Variants in PTPRM observed in about 807,000 individuals in gnomAD.
PTPRM encodes receptor-type tyrosine-protein phosphatase mu.
In PTPRM, 47 loss-of-function variants were observed where a neutral mutation model predicts 186.7. That is an observed-to-expected ratio of 0.25 (90% CI 0.20 to 0.32). The LOEUF (loss-of-function observed/expected upper bound fraction) is 0.32. Ranked by LOEUF, PTPRM falls within the 10% of genes least tolerant of loss-of-function variation. The pLI is 1.00. For synonymous variants in PTPRM, 668 were observed against 674.9 expected (o/e 0.99, Z 0.16); for missense variants, 1,494 against 1,865.0 (o/e 0.80, Z 3.66).
intron 2 of PTPRM, among the ~76,000 whole-genome samples, chr18:7,855,769 T>C (rs1484818547): frequency 1.3e-5 from 2 of 152,218 alleles, no homozygotes. Context: ...AGACACTGTT[T>C]CCTCTGGCTA....
At chr18:8,042,523 G>C (rs975108705) in intron 7 of PTPRM, among the ~76,000 whole-genome samples, 4 of 151,988 alleles carry the variant, frequency 2.6e-5, no homozygotes, top group Admixed American at 1.3e-4. Context: ...CAGCAAATGC[G>C]GTCATTTTCA....
At chr18:7,590,568 G>T (rs947058180) in intron 1 of PTPRM, among the ~76,000 whole-genome samples, 3 of 152,138 alleles carry the variant, frequency 2.0e-5, no homozygotes, top group Non-Finnish European at 4.4e-5. Flanking sequence ...AAAAAAATTG[G>T]GAACAACCTA....
intron 22 of PTPRM, among the ~76,000 whole-genome samples, chr18:8,319,610 T>C (rs748443704): frequency 4.6e-5 from 7 of 152,196 alleles, no homozygotes; most frequent in Non-Finnish European, 1.0e-4. Flanking sequence ...TGGTTGTGTT[T>C]AGTGGGGAAG....
intron 14 of PTPRM, among the ~76,000 whole-genome samples, chr18:8,146,120 C>T (rs2092880146): frequency 6.6e-6 from 1 of 151,826 alleles, no homozygotes; most frequent in Non-Finnish European, 1.5e-5. Flanking sequence ...CCTCCGCCTC[C>T]CAGGTTCAAG....
intron 23 of PTPRM, among the ~76,000 whole-genome samples, chr18:8,359,273 C>T (rs113598087): frequency 6.6e-6 from 1 of 152,236 alleles, no homozygotes; most frequent in African/African-American, 2.4e-5. Context: ...GTCTGAATAA[C>T]AAGTGCTGCT....
intron 7 of PTPRM, among the ~76,000 whole-genome samples, chr18:8,017,606 A>AAAT (rs1303718953): frequency 2.0e-5 from 3 of 150,652 alleles, no homozygotes; most frequent in Non-Finnish European, 4.4e-5. Context: ...AAAAAAAAAA[A>AAAT]TTAGAGCGTC....
rs1252049334 is a variant in PTPRM at position 7,668,465 on chromosome 18, C to T, written c.73+100574C>T. Among the ~76,000 whole-genome samples the T allele has an allele frequency of 6.6e-6, 1 of 152,190 alleles. No individual in the cohort carries two copies. Among genetic ancestry groups the T allele is most frequent in the Non-Finnish European group, 1.5e-5 (1 of 68,042 alleles). ...GGATATTCCCTGCTTGGCCCCTTGA[C>T]TCCTAGAGAAGAATCCTCAGAACAT... is the stretch of plus-strand genomic sequence containing the variant. On this transcript the variant is annotated intron_variant, in intron 1 of 32. Coordinates refer to ENST00000580170, the MANE Select transcript of PTPRM (RefSeq NM_001105244.2). The surrounding 1 kb of genome is among the most constrained non-coding windows in gnomAD (Gnocchi z 4.7).
chr18:8,330,465 A>G (rs548267656), intron 22 of PTPRM, among the ~76,000 whole-genome samples: 1 of 152,262 alleles, frequency 6.6e-6, no homozygotes, highest in South Asian at 2.1e-4. Context: ...TTCTTAAATA[A>G]AAGAGGATTC....
chr18:7,614,628 C>G (rs967319058), intron 1 of PTPRM, among the ~76,000 whole-genome samples: 1 of 152,158 alleles, frequency 6.6e-6, no homozygotes, highest in African/African-American at 2.4e-5. Context: ...TCATCCCCAA[C>G]CAAAACATCC....
At chr18:8,397,285 A>G (rs2095849962) in intron 32 of PTPRM, among the ~76,000 whole-genome samples, 1 of 152,222 alleles carries the variant, frequency 6.6e-6, no homozygotes, top group Non-Finnish European at 1.5e-5. Context: ...CCTCCCTGCC[A>G]GGGCGGGTGA....
Position 7,846,542 on chromosome 18 carries a change from C to A in PTPRM, c.197-41564C>A, listed in dbSNP as rs550157711. 4.6e-5 allele frequency among the ~76,000 whole-genome samples: 7 copies of A among 152,316 alleles called. No homozygotes were observed. The South Asian group carries it at 1.2e-3, about 27-fold the overall frequency. On this transcript the variant is annotated intron_variant, in intron 2 of 32. Coordinates refer to ENST00000580170, the MANE Select transcript of PTPRM (RefSeq NM_001105244.2). ...CTTCATCTGGGCCTGGTGGCCCTCTCCCGTGCTTCTGTAGCCGGGAATTAT... is the reference window on the plus strand; with the variant it reads ...CTTCATCTGGGCCTGGTGGCCCTCTACCGTGCTTCTGTAGCCGGGAATTAT...
At chr18:8,305,548 C>A (rs965562381) in intron 20 of PTPRM, among the ~76,000 whole-genome samples, 16 of 152,156 alleles carry the variant, frequency 1.1e-4, no homozygotes, top group African/African-American at 3.9e-4. Context: ...TTCTCCAAGG[C>A]CACACAACTA....
intron 14 of PTPRM, among the ~76,000 whole-genome samples, chr18:8,227,545 T>C (rs1246451779): frequency 2.6e-5 from 4 of 152,226 alleles, no homozygotes; most frequent in Admixed American, 6.5e-5. Flanking sequence ...ATCCAGAATA[T>C]GCAATTTTAT....
At chr18:7,866,201 A>T (rs1214158141) in intron 2 of PTPRM, among the ~76,000 whole-genome samples, 2 of 151,886 alleles carry the variant, frequency 1.3e-5, no homozygotes, top group African/African-American at 4.8e-5. Flanking sequence ...TTCTGCTCTG[A>T]TCGTAGTTAT....
At chr18:7,891,513 G>T (rs1306133433) in intron 3 of PTPRM, among the ~76,000 whole-genome samples, 1 of 152,114 alleles carries the variant, frequency 6.6e-6, no homozygotes, top group East Asian at 1.9e-4. Flanking sequence ...TGACCAATCA[G>T]TAGTTTAAAG....
At chr18:7,812,722 T>A (rs1047192368) in intron 2 of PTPRM, among the ~76,000 whole-genome samples, 55 of 138,408 alleles carry the variant, frequency 4.0e-4, no homozygotes, top group African/African-American at 1.5e-3. Context: ...ACTTGGAAAG[T>A]TTTTTTTTTT....
chr18:7,580,253 G>T (rs1000334008), intron 1 of PTPRM, among the ~76,000 whole-genome samples: 1 of 152,180 alleles, frequency 6.6e-6, no homozygotes, highest in Non-Finnish European at 1.5e-5. Context: ...TTTTTGATAG[G>T]TGAGCATGGG....
intron 1 of PTPRM, among the ~76,000 whole-genome samples, chr18:7,641,450 C>G (rs1261462922): frequency 1.3e-5 from 2 of 152,152 alleles, no homozygotes; most frequent in Admixed American, 6.5e-5. Context: ...CTATCACATA[C>G]TAACAGAATG....
rs186110657 is a variant in PTPRM at position 7,608,290 on chromosome 18, C to T, written c.73+40399C>T. Among the ~76,000 whole-genome samples the T allele has an allele frequency of 2.5e-3, 385 of 152,294 alleles. 1 individual carries two copies. The highest frequency in any genetic ancestry group is 0.01 in the Middle Eastern group (3 of 294). On this transcript the variant is annotated intron_variant, in intron 1 of 32. Coordinates refer to ENST00000580170, the MANE Select transcript of PTPRM (RefSeq NM_001105244.2). ...GGTTTTATTTGGGGCCAGCATGCTT[C>T]TGCACACTCCTGACTTCACACAGAT... is the stretch of plus-strand genomic sequence containing the variant.
Sources: gnomAD v4.1 joint callset for allele counts (sites outside exome capture counted in the v4.1 genomes callset) on GRCh38, gnomAD v4.1.1 for gene constraint, Gnocchi (gnomAD v3.1) non-coding constraint, MANE v1.5 for transcripts, NCBI Gene and HGNC (gene_info 2026-07-23, HGNC 2026-07-21) for gene names.